The following NLGN1 variants were observed in gnomAD, a reference collection of about 807,000 sequenced individuals.
NLGN1 encodes the protein neuroligin 1, also known as neuroligin-1.
A neutral mutation model predicts 65.5 loss-of-function variants in NLGN1; 12 were observed. The ratio of observed to expected loss-of-function variants is 0.18; its 90% CI spans 0.12 to 0.30. The LOEUF (loss-of-function observed/expected upper bound fraction) is 0.30. Ranked by LOEUF, NLGN1 falls within the 10% of genes least tolerant of loss-of-function variation. The pLI is 1.00. For synonymous variants in NLGN1, 350 were observed against 359.5 expected, an observed-to-expected ratio of 0.97 and a Z score of 0.30; for missense variants, 750 against 1,007.1, an observed-to-expected ratio of 0.74 and a Z score of 3.46.
intron 4 of NLGN1, 131 bp downstream of exon 4, chr3:173,807,963 AT>A: frequency 2.4e-6 from 2 of 840,548 alleles, no homozygotes; most frequent in Non-Finnish European, 1.9e-6. Context: ...TCGAGCCCAA[AT>A]TTTTTATAGT....
chr3:173,677,878 A>T (rs1046058644), intron 3 of NLGN1, among the ~76,000 whole-genome samples: 3 of 152,156 alleles, frequency 2.0e-5, no homozygotes, highest in Admixed American at 1.3e-4. Context: ...CTTACAGCCA[A>T]ACTAAAGATG....
chr3:173,817,967 A>G (rs544264447), intron 4 of NLGN1, among the ~76,000 whole-genome samples: 3 of 152,308 alleles, frequency 2.0e-5, no homozygotes, highest in Admixed American at 2.0e-4. Context: ...TTGCTAGTTA[A>G]AGCATTCTTC....
In NLGN1 at chr3:174,181,778, T is replaced by TACACACACACACACACAC. The variant is rs3035853; in HGVS notation, c.647-93525_647-93508dup. 9.1e-3 allele frequency among the ~76,000 whole-genome samples: 1,294 copies of TACACACACACACACACAC among 142,632 alleles called. 27 individuals are homozygous for TACACACACACACACACAC. The highest frequency in any genetic ancestry group is 0.027 in the African/African-American group (1,021 of 37,876). The allele number at this position is 142,632 out of a possible 152,430, so 93.6% of individuals were successfully genotyped here. On this transcript the variant is annotated intron_variant, in intron 4 of 6. Transcript: ENST00000457714. ...ACCCTGTCTCTCCAAAAAATAAAAATACACACACACACACACACACACACA... is the reference window on the plus strand; with the variant it reads ...ACCCTGTCTCTCCAAAAAATAAAAATACACACACACACACACACACACACACACACACACACACACACA...
At chr3:173,992,772 G>C (rs1445121190) in intron 4 of NLGN1, among the ~76,000 whole-genome samples, 1 of 152,138 alleles carries the variant, frequency 6.6e-6, no homozygotes, top group Non-Finnish European at 1.5e-5. Flanking sequence ...CACACATATA[G>C]TCTATAAGTC....
intron 3 of NLGN1, among the ~76,000 whole-genome samples, chr3:173,646,599 CAT>C (rs1228661534): frequency 9.2e-5 from 14 of 152,178 alleles, no homozygotes; most frequent in African/African-American, 2.7e-4. Context: ...CAAAATATCT[CAT>C]GTGCCCCATA....
chr3:173,717,602 T>C (rs986492979), intron 3 of NLGN1, among the ~76,000 whole-genome samples: 2 of 152,202 alleles, frequency 1.3e-5, no homozygotes, highest in African/African-American at 4.8e-5. Context: ...TTTTCTTTTT[T>C]ATTATAATTG....
chr3:173,636,257 T>A (rs1437242296), intron 3 of NLGN1, among the ~76,000 whole-genome samples: 1 of 151,854 alleles, frequency 6.6e-6, no homozygotes, highest in Non-Finnish European at 1.5e-5. Context: ...ATTTGCACAC[T>A]GGTTTTTTTT....
At chr3:173,614,389 T>C (rs1752743296) in intron 3 of NLGN1, among the ~76,000 whole-genome samples, 2 of 152,098 alleles carry the variant, frequency 1.3e-5, no homozygotes, top group South Asian at 4.1e-4. Flanking sequence ...CCTAGGCCTC[T>C]TGGGAACAGG....
intron 2 of NLGN1, among the ~76,000 whole-genome samples, chr3:173,525,551 T>A (rs541146756): frequency 9.9e-4 from 150 of 152,160 alleles, no homozygotes; most frequent in Non-Finnish European, 2.0e-3. Flanking sequence ...GAACAAACTT[T>A]TTGTTTCATT....
intron 2 of NLGN1, among the ~76,000 whole-genome samples, chr3:173,440,617 A>G (rs1369216122): frequency 1.3e-5 from 2 of 152,174 alleles, no homozygotes; most frequent in African/African-American, 4.8e-5. Flanking sequence ...TGCGTTGTCA[A>G]TGAGCAGTAA....
chr3:173,696,165 A>G (rs1370900302), intron 3 of NLGN1, among the ~76,000 whole-genome samples: 1 of 152,192 alleles, frequency 6.6e-6, no homozygotes, highest in Non-Finnish European at 1.5e-5. Flanking sequence ...AACTAAGTTG[A>G]CTAAAAATGG....
At chr3:173,458,960 T>C (rs1268835826) in intron 2 of NLGN1, among the ~76,000 whole-genome samples, 1 of 152,056 alleles carries the variant, frequency 6.6e-6, no homozygotes. Context: ...CAGACGCCAC[T>C]AGAGTATCAT....
At chr3:174,008,165 T>A (rs140812588) in intron 4 of NLGN1, among the ~76,000 whole-genome samples, 63 of 152,290 alleles carry the variant, frequency 4.1e-4, no homozygotes, top group African/African-American at 1.5e-3. Flanking sequence ...CTCTGTTCCA[T>A]TTCTTCTTCA....
intron 4 of NLGN1, among the ~76,000 whole-genome samples, chr3:174,107,159 T>C (rs552964377): frequency 1.3e-4 from 20 of 152,202 alleles, no homozygotes; most frequent in African/African-American, 4.8e-4. Context: ...TGATAACGTA[T>C]TGTGAAACTA....
intron 4 of NLGN1, among the ~76,000 whole-genome samples, chr3:173,962,715 C>A (rs1021808402): frequency 3.3e-5 from 5 of 152,130 alleles, no homozygotes; most frequent in African/African-American, 1.2e-4. Flanking sequence ...TTTCCATTAA[C>A]TAACAAATAT....
intron 4 of NLGN1, among the ~76,000 whole-genome samples, chr3:173,919,731 A>G (rs1483514264): frequency 6.6e-6 from 1 of 152,142 alleles, no homozygotes; most frequent in Non-Finnish European, 1.5e-5. Context: ...TGTACATTTT[A>G]CTCATGTTTT....
chr3:173,717,754 G>GT (rs1770116900), intron 3 of NLGN1, among the ~76,000 whole-genome samples: 1 of 152,104 alleles, frequency 6.6e-6, no homozygotes, highest in African/African-American at 2.4e-5. Context: ...CCACAAAGTG[G>GT]TTTAAGAAGT....
intron 4 of NLGN1, among the ~76,000 whole-genome samples, chr3:173,863,371 C>A (rs1307659283): frequency 2.6e-5 from 4 of 152,100 alleles, no homozygotes; most frequent in Non-Finnish European, 5.9e-5. Context: ...TCTTCATTAT[C>A]ATCTTTCATA....
At chr3:173,441,661 A>G (rs529600012) in intron 2 of NLGN1, among the ~76,000 whole-genome samples, 3 of 152,272 alleles carry the variant, frequency 2.0e-5, no homozygotes, top group Non-Finnish European at 2.9e-5. Flanking sequence ...CACAATCACA[A>G]TGGAAACATC....
Sources: gnomAD v4.1 joint callset for allele counts (sites outside exome capture counted in the v4.1 genomes callset) on GRCh38, gnomAD v4.1.1 for gene constraint, MANE v1.5 for transcripts, NCBI Gene and HGNC (gene_info 2026-07-23, HGNC 2026-07-21) for gene names.